NKAIN2: variants seen among roughly 807,000 people sequenced by gnomAD.
NKAIN2 encodes the protein sodium/potassium-transporting ATPase subunit beta-1-interacting protein 2.
In NKAIN2, 14 loss-of-function variants were observed where a neutral mutation model predicts 32.6. That is an observed-to-expected ratio of 0.43 (90% confidence interval 0.28 to 0.67). NKAIN2 has a LOEUF of 0.67. Among genes scored for constraint, NKAIN2 ranks in the 30% least tolerant of loss-of-function variants. The probability of loss-of-function intolerance (pLI) is 0.17; values close to 1 mark genes in which losing one functional copy is unlikely to be tolerated. For synonymous variants in NKAIN2, 80 were observed against 87.2 expected, an observed-to-expected ratio of 0.92 and a Z score of 0.46; for missense variants, 198 against 258.3, an observed-to-expected ratio of 0.77 and a Z score of 1.60.
At chr6:124,276,375 T>C (rs893470877) in intron 1 of NKAIN2, among the ~76,000 whole-genome samples, 5 of 151,892 alleles carry the variant, frequency 3.3e-5, no homozygotes, top group Admixed American at 3.3e-4. Flanking sequence ...GCATTTGAGA[T>C]ACTTTAGTTA....
At chr6:124,555,996 C>T (rs2114878798) in intron 3 of NKAIN2, among the ~76,000 whole-genome samples, 1 of 151,694 alleles carries the variant, frequency 6.6e-6, no homozygotes, top group South Asian at 2.1e-4. Flanking sequence ...GAAATGGTGC[C>T]CTTGGCTTTT....
intron 2 of NKAIN2, among the ~76,000 whole-genome samples, chr6:124,353,216 C>T (rs1042090717): frequency 2.0e-5 from 3 of 151,458 alleles, no homozygotes; most frequent in African/African-American, 4.9e-5. Context: ...GGAATATAAA[C>T]AAAAATTAAG....
intron 1 of NKAIN2, among the ~76,000 whole-genome samples, chr6:123,993,683 AT>A (rs540708503): frequency 1.5e-3 from 227 of 152,220 alleles, no homozygotes; most frequent in Admixed American, 2.7e-3. Flanking sequence ...TCAGGGTTAC[AT>A]TGCTTATAAA....
chr6:124,243,452 G>A (rs920889028), intron 1 of NKAIN2, among the ~76,000 whole-genome samples: 4 of 151,672 alleles, frequency 2.6e-5, no homozygotes, highest in African/African-American at 9.7e-5. Flanking sequence ...CCGAGATCAT[G>A]CCACGGTACT....
intron 1 of NKAIN2, among the ~76,000 whole-genome samples, chr6:124,012,792 A>G (rs1239071864): frequency 6.6e-6 from 1 of 152,156 alleles, no homozygotes; most frequent in Admixed American, 6.5e-5. Flanking sequence ...GCTACTGTAA[A>G]TATTTATGTG....
intron 1 of NKAIN2, among the ~76,000 whole-genome samples, chr6:123,976,395 A>G (rs1180646767): frequency 1.5e-5 from 1 of 67,190 alleles, no homozygotes; most frequent in African/African-American, 5.3e-5. Context: ...ATATATATAT[A>G]TATATATATA....
chr6:123,901,426 T>C (rs1005189546), intron 1 of NKAIN2, among the ~76,000 whole-genome samples: 1 of 152,170 alleles, frequency 6.6e-6, no homozygotes, highest in Non-Finnish European at 1.5e-5. Flanking sequence ...TTTCTTGATG[T>C]TTTTGAAATA....
intron 1 of NKAIN2, among the ~76,000 whole-genome samples, chr6:124,259,356 C>T (rs540869704): frequency 6.6e-6 from 1 of 152,172 alleles, no homozygotes; most frequent in Non-Finnish European, 1.5e-5. Flanking sequence ...GTGTGGTGGT[C>T]TGGTGAGTTT....
intron 3 of NKAIN2, among the ~76,000 whole-genome samples, chr6:124,461,114 C>T (rs1456237329): frequency 6.6e-6 from 1 of 151,792 alleles, no homozygotes; most frequent in Non-Finnish European, 1.5e-5. Context: ...AGTTTTGACA[C>T]AAAATGTGTC....
At chr6:124,191,688 C>A (rs149609921) in intron 1 of NKAIN2, among the ~76,000 whole-genome samples, 47 of 152,238 alleles carry the variant, frequency 3.1e-4, no homozygotes, top group African/African-American at 1.1e-3. Flanking sequence ...GAAATGCATT[C>A]ATTCTTTTAT....
chr6:124,708,409 T>C (rs865862009), intron 4 of NKAIN2, among the ~76,000 whole-genome samples: 23 of 151,968 alleles, frequency 1.5e-4, no homozygotes, highest in Admixed American at 1.2e-3. Context: ...GGGGATGGCA[T>C]TGAATCTGTA....
At chr6:124,540,291 C>G (rs907028870) in intron 3 of NKAIN2, among the ~76,000 whole-genome samples, 1 of 152,180 alleles carries the variant, frequency 6.6e-6, no homozygotes, top group Non-Finnish European at 1.5e-5. Context: ...TTTTGATGTA[C>G]AGATAGGAAA....
intron 4 of NKAIN2, among the ~76,000 whole-genome samples, chr6:124,691,552 T>C (rs1282688153): frequency 6.6e-6 from 1 of 152,144 alleles, no homozygotes; most frequent in Non-Finnish European, 1.5e-5. Context: ...GTCTCCACTT[T>C]TATTGTCAGG....
rs1787095042 is a variant in NKAIN2 at position 124,140,773 on chromosome 6, AAAAAC to A, written c.55-142230_55-142226del. Among the ~76,000 whole-genome samples, 3 of 152,316 alleles carry A rather than the reference AAAAAC, an allele frequency of 2.0e-5. No individual in the cohort carries two copies. The South Asian group carries it at 6.2e-4, about 32-fold the overall frequency. Reference sequence around the variant, plus strand: ...ATTGTAGAAAAAAATTTTAATTACTAAAAACAGAACTGTAGAAAGAGCAGAGGATC... The same window carrying A: ...ATTGTAGAAAAAAATTTTAATTACTAAGAACTGTAGAAAGAGCAGAGGATC... On this transcript the variant is annotated intron_variant, in intron 1 of 6. Coordinates refer to ENST00000368417, the MANE Select transcript of NKAIN2 (RefSeq NM_001040214.3).
At chr6:124,661,603 G>A (rs1784746956) in intron 4 of NKAIN2, among the ~76,000 whole-genome samples, 2 of 152,130 alleles carry the variant, frequency 1.3e-5, no homozygotes, top group Admixed American at 6.5e-5. Context: ...TAATTGGGAC[G>A]AGGGGCTATT....
chr6:123,921,469 G>A (rs867202107), intron 1 of NKAIN2, among the ~76,000 whole-genome samples: 3 of 152,072 alleles, frequency 2.0e-5, no homozygotes, highest in African/African-American at 7.2e-5. Flanking sequence ...TAACGTATTA[G>A]GCATTGTGCC....
chr6:124,512,766 A>G (rs1778762831), intron 3 of NKAIN2, among the ~76,000 whole-genome samples: 1 of 152,190 alleles, frequency 6.6e-6, no homozygotes, highest in Non-Finnish European at 1.5e-5. Flanking sequence ...CTTTGGGAGA[A>G]CTATGAGCAA....
At chr6:124,113,350 A>G (rs1785470272) in intron 1 of NKAIN2, among the ~76,000 whole-genome samples, 1 of 152,206 alleles carries the variant, frequency 6.6e-6, no homozygotes, top group Non-Finnish European at 1.5e-5. Flanking sequence ...AGGACTCACA[A>G]GGCAGAAGCT....
chr6:123,887,611 G>T (rs1346346952), intron 1 of NKAIN2, among the ~76,000 whole-genome samples: 1 of 152,050 alleles, frequency 6.6e-6, no homozygotes, highest in African/African-American at 2.4e-5. Flanking sequence ...CTCAACCATT[G>T]TAAATACATT....
Sources: gnomAD v4.1 joint callset for allele counts (sites outside exome capture counted in the v4.1 genomes callset) on GRCh38, gnomAD v4.1.1 for gene constraint, MANE v1.5 for transcripts, NCBI Gene and HGNC (gene_info 2026-07-23, HGNC 2026-07-21) for gene names.